Variants in CNTNAP4 observed in about 807,000 individuals in gnomAD.
The protein encoded by CNTNAP4 is contactin associated protein family member 4.
A neutral mutation model predicts 148.4 loss-of-function variants in CNTNAP4; 98 were observed. The ratio of observed to expected loss-of-function variants is 0.66; its 90% CI spans 0.56 to 0.78. CNTNAP4 has a LOEUF of 0.78. Ranked by LOEUF, CNTNAP4 falls within the 30% of genes least tolerant of loss-of-function variation. The pLI is 0.00. For missense variants in CNTNAP4, 1,935 were observed against 1,565.6 expected, an observed-to-expected ratio of 1.24 and a Z score of -3.98; for synonymous variants, 730 against 565.1, an observed-to-expected ratio of 1.29 and a Z score of -4.14.
chr16:76,280,270 C>A (rs1243061174), intron 1 of CNTNAP4, among the ~76,000 whole-genome samples: 1 of 152,198 alleles, frequency 6.6e-6, no homozygotes, highest in East Asian at 1.9e-4. Flanking sequence ...CAGTACAGCT[C>A]AGGGATTAGG....
chr16:76,402,396 C>T (rs939909144), intron 3 of CNTNAP4, among the ~76,000 whole-genome samples: 1 of 151,742 alleles, frequency 6.6e-6, no homozygotes, highest in Non-Finnish European at 1.5e-5. Flanking sequence ...GAAGTATCTC[C>T]TTTGTCACTT....
rs1183111471 is a variant in CNTNAP4, at chr16:76,525,577, A to G, written c.2755+3320A>G. Among the ~76,000 whole-genome samples, 5 of 146,822 alleles carry G rather than the reference A, an allele frequency of 3.4e-5. No individual in the cohort carries two copies. In the East Asian group the frequency reaches 9.8e-4, roughly 29 times the overall value. On this transcript the variant is annotated intron_variant, in intron 17 of 23. Coordinates refer to ENST00000611870, the MANE Select transcript of CNTNAP4 (RefSeq NM_033401.5). ...CAGCCAATAAAAAAGAACTATTTGT[A>G]TATATAAAAAATTTTATATAACTAT...
chr16:76,324,450 C>G (rs1425221494), intron 2 of CNTNAP4, among the ~76,000 whole-genome samples: 2 of 152,068 alleles, frequency 1.3e-5, no homozygotes, highest in African/African-American at 2.4e-5. Context: ...GTCTGAGGTA[C>G]AAGTGATTTA....
chr16:76,494,456 T>G (rs535690876), intron 13 of CNTNAP4, among the ~76,000 whole-genome samples: 1 of 152,184 alleles, frequency 6.6e-6, no homozygotes, highest in Non-Finnish European at 1.5e-5. Context: ...AGAATAAATT[T>G]ATTGAGATAA....
chr16:76,424,723 C>T (rs1376688253), intron 3 of CNTNAP4, among the ~76,000 whole-genome samples: 1 of 151,950 alleles, frequency 6.6e-6, no homozygotes, highest in Non-Finnish European at 1.5e-5. Context: ...TGTGCCACTG[C>T]ACTCCAGCCT....
Position 76,348,188 on chromosome 16 carries a change from C to CT in CNTNAP4, c.197-7116dup, listed in dbSNP as rs751099156. On this transcript the variant is annotated intron_variant, in intron 2 of 23. Transcript: ENST00000611870. ...AGAAAGAAAGGGGTCAAGCGTGACT[C>CT]TTTTTTTTTTTTTTGTACTGAGAAA... 8.3e-3 allele frequency among the ~76,000 whole-genome samples: 1,124 copies of CT among 136,202 alleles called. 8 individuals carry two copies. The highest frequency in any genetic ancestry group is 0.022 in the African/African-American group (827 of 37,248). 89.4% of individuals were successfully genotyped at this position (136,202 alleles called of 152,430 possible). A position where few individuals can be genotyped will look rare whatever the true frequency, so the allele number is the denominator to read the frequency against.
At position 76,462,109 on chromosome 16, in the gene CNTNAP4, A is replaced by G. The variant is rs370640673; in HGVS notation, c.1483+4A>G. The G allele has an allele frequency of 5.0e-6, 8 of 1,612,326 alleles. No individual in the cohort carries two copies. The highest frequency in any genetic ancestry group is 5.9e-6 in the Non-Finnish European group (7 of 1,179,048). On this transcript the variant is annotated splice_donor_region_variant and intron_variant, in intron 9 of 23. Transcript: ENST00000611870. The stretch of plus-strand genomic sequence containing the variant: ...GGTGGCACCTATTATTTTGGAGGTA[A>G]GAATAGGTGCCAGGCTCTATGAGCA...
intron 2 of CNTNAP4, among the ~76,000 whole-genome samples, chr16:76,325,542 C>G (rs552657149): frequency 6.6e-6 from 1 of 152,188 alleles, no homozygotes; most frequent in South Asian, 2.1e-4. Flanking sequence ...TTAATACATT[C>G]CTCCAAAAGA....
chr16:76,323,038 G>A (rs1442887238), intron 2 of CNTNAP4, among the ~76,000 whole-genome samples: 1 of 151,632 alleles, frequency 6.6e-6, no homozygotes, highest in East Asian at 1.9e-4. Context: ...GTAGAGATGG[G>A]GTTTCACCAT....
intron 1 of CNTNAP4, among the ~76,000 whole-genome samples, chr16:76,305,578 G>C (rs891614023): frequency 2.0e-5 from 3 of 152,084 alleles, no homozygotes; most frequent in Non-Finnish European, 4.4e-5. Flanking sequence ...CTGAGAACTG[G>C]GGCCGACCTG....
intron 3 of CNTNAP4, among the ~76,000 whole-genome samples, chr16:76,398,650 G>C (rs1056850809): frequency 1.3e-5 from 2 of 152,062 alleles, no homozygotes; most frequent in Non-Finnish European, 2.9e-5. Flanking sequence ...CCGTCAAAGA[G>C]TTATAACAGT....
chr16:76,401,649 T>G (rs1044895204), intron 3 of CNTNAP4, among the ~76,000 whole-genome samples: 3 of 152,206 alleles, frequency 2.0e-5, no homozygotes, highest in African/African-American at 7.2e-5. Context: ...TTTCCAGCTA[T>G]GGCCCATTCA....
intron 20 of CNTNAP4, 149 bp from the exon 21 acceptor site, chr16:76,540,554 A>G (rs1271580293): frequency 1.4e-5 from 4 of 277,526 alleles, no homozygotes; most frequent in Non-Finnish European, 2.0e-5. Context: ...CTAAGTGGCT[A>G]AGCTTTTAAA....
chr16:76,336,365 A>T (rs1964025581), intron 2 of CNTNAP4, among the ~76,000 whole-genome samples: 1 of 152,176 alleles, frequency 6.6e-6, no homozygotes, highest in Non-Finnish European at 1.5e-5. Context: ...AGCATTATCA[A>T]GTTGTTAGCT....
intron 4 of CNTNAP4, among the ~76,000 whole-genome samples, chr16:76,433,373 C>G (rs1340408347): frequency 6.6e-6 from 1 of 152,074 alleles, no homozygotes. Flanking sequence ...TCAATGCAGA[C>G]AGTTGAAGAG....
intron 9 of CNTNAP4, among the ~76,000 whole-genome samples, chr16:76,462,328 G>C (rs1270324841): frequency 6.6e-6 from 1 of 152,272 alleles, no homozygotes; most frequent in East Asian, 1.9e-4. Context: ...TGATGAGATT[G>C]ATTTTAAGTA....
chr16:76,365,510 G>T (rs575868702), intron 3 of CNTNAP4, among the ~76,000 whole-genome samples: 72 of 152,168 alleles, frequency 4.7e-4, no homozygotes, highest in Non-Finnish European at 9.1e-4. Context: ...CAGCACTTTG[G>T]GAGGCCAAGG....
intron 15 of CNTNAP4, among the ~76,000 whole-genome samples, chr16:76,517,981 T>C (rs1366329898): frequency 6.6e-6 from 1 of 152,190 alleles, no homozygotes; most frequent in African/African-American, 2.4e-5. Flanking sequence ...TTTTCCTAAA[T>C]TGACTTCATT....
At chr16:76,282,035 C>A (rs1200149473) in intron 1 of CNTNAP4, among the ~76,000 whole-genome samples, 6 of 151,380 alleles carry the variant, frequency 4.0e-5, no homozygotes, top group Non-Finnish European at 8.9e-5. Flanking sequence ...GTTAATTGAC[C>A]CCTATTTAAA....
Sources: allele counts gnomAD v4.1 joint callset (sites outside exome capture counted in the v4.1 genomes callset), GRCh38; gene constraint gnomAD v4.1.1; transcripts MANE v1.5; gene names NCBI Gene and HGNC (gene_info 2026-07-23, HGNC 2026-07-21).